ADCY8: variants seen among roughly 807,000 people sequenced by gnomAD.
ADCY8 encodes adenylate cyclase 8, also known as adenylate cyclase type 8.
ADCY8 carries 51 observed loss-of-function variants against 119.7 expected under a neutral mutation model. The observed-to-expected ratio is 0.43, with a 90% CI of 0.34 to 0.54. ADCY8 has a LOEUF of 0.54. ADCY8 is among the 20% of genes least tolerant of loss of function. The probability of loss-of-function intolerance (pLI) is 0.03; values close to 1 mark genes in which losing one functional copy is unlikely to be tolerated. For synonymous variants in ADCY8, 665 were observed against 651.0 expected (o/e 1.02, Z -0.33); for missense variants, 1,383 against 1,598.8 (o/e 0.87, Z 2.30).
At chr8:130,893,383 A>T (rs1184725654) in intron 7 of ADCY8, among the ~76,000 whole-genome samples, 2 of 152,116 alleles carry the variant, frequency 1.3e-5, no homozygotes, top group Non-Finnish European at 2.9e-5. Context: ...GGGGAGAGAG[A>T]AACTGAAACA....
At chr8:130,823,493 A>G (rs1816581627) in intron 12 of ADCY8, among the ~76,000 whole-genome samples, 1 of 138,718 alleles carries the variant, frequency 7.2e-6, no homozygotes, top group African/African-American at 2.8e-5. Flanking sequence ...AAAACCAAGA[A>G]CATGTTGAAC....
chr8:130,828,566 G>A (rs1816735939), intron 12 of ADCY8, among the ~76,000 whole-genome samples: 1 of 152,182 alleles, frequency 6.6e-6, no homozygotes, highest in African/African-American at 2.4e-5. Flanking sequence ...CTTTCCATGA[G>A]GCAGATTGTT....
Position 130,862,342 on chromosome 8 carries a change from T to C in ADCY8, c.2210+5504A>G, listed in dbSNP as rs575324243. ...TATATGCATTTAATGTAAATTTTCTTCTAAGCACTGCTTTCATGGCATCCC... is the reference window on the plus strand; with the variant it reads ...TATATGCATTTAATGTAAATTTTCTCCTAAGCACTGCTTTCATGGCATCCC... On this transcript the variant is annotated intron_variant, in intron 9 of 17. Coordinates refer to ENST00000286355, the MANE Select transcript of ADCY8 (RefSeq NM_001115.3). Among the ~76,000 whole-genome samples, 283 of 152,304 alleles carry C rather than the reference T, an allele frequency of 1.9e-3. 4 individuals carry two copies. The highest frequency in any genetic ancestry group is 6.6e-3 in the African/African-American group (274 of 41,580).
chr8:130,811,756 A>C (rs263254), intron 14 of ADCY8, among the ~76,000 whole-genome samples: 122,417 of 152,150 alleles, frequency 0.8, 49,462 homozygotes, highest in East Asian at 0.92. Flanking sequence ...TTGTGGATCT[A>C]ACTGTGTTAG....
intron 5 of ADCY8, among the ~76,000 whole-genome samples, chr8:130,913,614 G>A (rs188724359): frequency 7.3e-4 from 111 of 152,158 alleles, no homozygotes; most frequent in Middle Eastern, 3.4e-3. Flanking sequence ...TCTAACCAGG[G>A]TCCTTGAATC....
intron 4 of ADCY8, among the ~76,000 whole-genome samples, chr8:130,938,915 A>T (rs72714477): frequency 0.089 from 13,536 of 152,222 alleles, 648 homozygotes; most frequent in Non-Finnish European, 0.1. Context: ...GGTCTGATTC[A>T]TTAAATAAAA....
chr8:130,987,501 T>C (rs1323990328), intron 2 of ADCY8, among the ~76,000 whole-genome samples: 1 of 152,124 alleles, frequency 6.6e-6, no homozygotes, highest in Non-Finnish European at 1.5e-5. Flanking sequence ...TATCCTACCA[T>C]GAGATAAAAA....
At chr8:130,791,116 A>T (rs1176339164) in intron 15 of ADCY8, among the ~76,000 whole-genome samples, 1 of 152,236 alleles carries the variant, frequency 6.6e-6, no homozygotes, top group African/African-American at 2.4e-5. Flanking sequence ...AAATAAACAG[A>T]CATAAATCCT....
At chr8:130,921,182 A>G (rs1245140550) in intron 5 of ADCY8, among the ~76,000 whole-genome samples, 1 of 152,200 alleles carries the variant, frequency 6.6e-6, no homozygotes, top group Admixed American at 6.5e-5. Flanking sequence ...ATAAAGAAGA[A>G]AATTAAAACT....
chr8:130,898,443 C>A (rs780245516), intron 7 of ADCY8, among the ~76,000 whole-genome samples: 3 of 133,600 alleles, frequency 2.2e-5, no homozygotes, highest in Admixed American at 1.5e-4. Flanking sequence ...TGTTTATAAT[C>A]CTCATGGTAA....
At chr8:131,014,479 AT>A (rs1245713527) in intron 1 of ADCY8, among the ~76,000 whole-genome samples, 1 of 152,184 alleles carries the variant, frequency 6.6e-6, no homozygotes, top group African/African-American at 2.4e-5. Context: ...CTTATTTTAG[AT>A]TTAAATCCTA....
At position 130,884,654 on chromosome 8, in the gene ADCY8, A is replaced by C. The variant is rs780285802; in HGVS notation, c.2019T>G (p.His673Gln). Reference protein sequence around the residue: ...GPEEINKRIEHTIDLRSGDKL... With the variant: ...GPEEINKRIEQTIDLRSGDKL... Reference sequence around the variant, plus strand: ...TATCGCCACTCCGCAAGTCGATGGTATGTTCTATTCTCTTGTTAATTTCCT... The same window carrying C: ...TATCGCCACTCCGCAAGTCGATGGTCTGTTCTATTCTCTTGTTAATTTCCT... Residue 673 changes from histidine to glutamine, a missense_variant, in exon 8 of 18, where the codon CAT becomes CAG. Coordinates refer to ENST00000286355, the MANE Select transcript of ADCY8 (RefSeq NM_001115.3). The C allele has an allele frequency of 6.2e-7, 1 of 1,613,724 alleles. No individual in the cohort carries two copies. The highest frequency in any genetic ancestry group is 8.5e-7 in the Non-Finnish European group (1 of 1,179,858).
At chr8:131,021,422 C>A (rs1823664327) in intron 1 of ADCY8, among the ~76,000 whole-genome samples, 1 of 152,114 alleles carries the variant, frequency 6.6e-6, no homozygotes, top group South Asian at 2.1e-4. Flanking sequence ...GTGGGTCTCC[C>A]AGAGGGATCA....
chr8:130,992,009 G>A (rs543090371), intron 1 of ADCY8, among the ~76,000 whole-genome samples: 37 of 151,240 alleles, frequency 2.4e-4, no homozygotes, highest in Non-Finnish European at 4.7e-4. Flanking sequence ...TTGGAAATAG[G>A]CCAATAGAAT....
chr8:130,919,482 G>A (rs1333108800), intron 5 of ADCY8, among the ~76,000 whole-genome samples: 7 of 152,178 alleles, frequency 4.6e-5, no homozygotes, highest in African/African-American at 1.2e-4. Flanking sequence ...GCAGAAGAGT[G>A]GGTGCAGAGC....
intron 15 of ADCY8, among the ~76,000 whole-genome samples, chr8:130,792,187 C>G (rs1815444890): frequency 6.6e-6 from 1 of 152,160 alleles, no homozygotes; most frequent in Non-Finnish European, 1.5e-5. Flanking sequence ...CTGTTTATAC[C>G]TTTGTTCCTA....
At chr8:130,783,625 C>T in intron 17 of ADCY8, 66 bp downstream of exon 17, 1 of 1,137,870 alleles carries the variant, frequency 8.8e-7, no homozygotes, top group Admixed American at 2.0e-5. Flanking sequence ...ATGCCCAAGG[C>T]AGGGGAGGGT....
intron 1 of ADCY8, among the ~76,000 whole-genome samples, chr8:131,003,671 A>T (rs1823024665): frequency 6.6e-6 from 1 of 152,162 alleles, no homozygotes; most frequent in South Asian, 2.1e-4. Context: ...ATTGAGGCTC[A>T]GCGAGGTTAA....
chr8:130,924,583 A>G (rs1820406566), intron 5 of ADCY8, among the ~76,000 whole-genome samples: 1 of 152,184 alleles, frequency 6.6e-6, no homozygotes, highest in Admixed American at 6.5e-5. Flanking sequence ...TGCTGTCTCT[A>G]GGTCTCATCT....
Sources: gnomAD v4.1 joint callset for allele counts (sites outside exome capture counted in the v4.1 genomes callset) on GRCh38, gnomAD v4.1.1 for gene constraint, MANE v1.5 for transcripts, NCBI Gene and HGNC (gene_info 2026-07-23, HGNC 2026-07-21) for gene names.